The following ATP2B1 variants were observed in gnomAD, a reference collection of about 807,000 sequenced individuals.
ATP2B1 encodes ATPase plasma membrane Ca2+ transporting 1.
A neutral mutation model predicts 124.2 loss-of-function variants in ATP2B1; 14 were observed. The ratio of observed to expected loss-of-function variants is 0.11; its 90% CI spans 0.07 to 0.18. The LOEUF is 0.18. Ranked by LOEUF, ATP2B1 falls within the 10% of genes least tolerant of loss-of-function variation. The pLI is 1.00. For missense variants in ATP2B1, 763 were observed against 1,466.1 expected, an observed-to-expected ratio of 0.52 and a Z score of 7.83; for synonymous variants, 449 against 492.4, an observed-to-expected ratio of 0.91 and a Z score of 1.17.
chr12:89,707,193 GGAAGGCTGGCATCGGGGCAAGTGGT>G, intron 1 of ATP2B1, among the ~76,000 whole-genome samples: 1 of 152,108 alleles, frequency 6.6e-6, no homozygotes, highest in South Asian at 2.1e-4. Flanking sequence ...GGGAGTCTCG[GGAAGGCTGGCATCGGGGCAAGTGGT>G]GAAGGCCCTC....
At chr12:89,684,573 T>C (rs967917305) in intron 1 of ATP2B1, among the ~76,000 whole-genome samples, 3 of 152,148 alleles carry the variant, frequency 2.0e-5, no homozygotes, top group African/African-American at 4.8e-5. Context: ...ATTAGGGAAA[T>C]AGTGGTCATT....
At chr12:89,645,410 T>G (rs1884288961) in intron 2 of ATP2B1, among the ~76,000 whole-genome samples, 1 of 152,026 alleles carries the variant, frequency 6.6e-6, no homozygotes, top group Admixed American at 6.6e-5. Flanking sequence ...TGCTGAGGAG[T>G]CAGTGTGAAC....
chr12:89,692,301 G>C (rs1890641069), intron 1 of ATP2B1, among the ~76,000 whole-genome samples: 1 of 152,148 alleles, frequency 6.6e-6, no homozygotes, highest in African/African-American at 2.4e-5. Context: ...ACTATGCCTA[G>C]ACGACAGCAG....
intron 1 of ATP2B1, among the ~76,000 whole-genome samples, chr12:89,703,479 T>C (rs1204224978): frequency 6.6e-6 from 1 of 152,234 alleles, no homozygotes; most frequent in African/African-American, 2.4e-5. Flanking sequence ...ATCTATCCAC[T>C]AACTTATGTC....
chr12:89,658,598 G>GGAGAGAGAGAGA (rs67298800), intron 1 of ATP2B1, among the ~76,000 whole-genome samples: 1,430 of 69,520 alleles, frequency 0.021, 121 homozygotes, highest in East Asian at 0.036. Context: ...AATTCAAACA[G>GGAGAGAGAGAGA]GAGAGAGAGA....
At chr12:89,694,034 CAAG>C (rs1890838975) in intron 1 of ATP2B1, among the ~76,000 whole-genome samples, 4 of 152,174 alleles carry the variant, frequency 2.6e-5, no homozygotes, top group Non-Finnish European at 4.4e-5. Context: ...CATTCCAGGA[CAAG>C]AAGACTGGTT....
chr12:89,690,327 C>CT (rs201384010), intron 1 of ATP2B1, among the ~76,000 whole-genome samples: 22,858 of 143,956 alleles, frequency 0.16, 2,040 homozygotes, highest in South Asian at 0.35. Flanking sequence ...GATGGCAAAT[C>CT]TTTTTTTTTT....
Position 89,601,382 on chromosome 12 carries a change from T to G in ATP2B1, c.3112A>C (p.Ile1038Leu), listed in dbSNP as rs766670116. 1.3e-6 allele frequency: 2 copies of G among 1,576,952 alleles called. No individual in the cohort carries two copies. The highest frequency in any genetic ancestry group is 1.7e-4 in the Middle Eastern group (1 of 5,988). Residue 1038 changes from isoleucine to leucine, a missense_variant, in exon 19 of 21, where the codon ATA becomes CTA. Ile to Leu is a conservative substitution (Grantham distance 5). Coordinates refer to ENST00000428670, the MANE Select transcript of ATP2B1 (RefSeq NM_001366521.1). ...GKPFSCSELSIEQWLWSIFLG... is the reference protein window; with the variant it reads ...GKPFSCSELSLEQWLWSIFLG... ...AATATTGACCATAGCCACTGTTCTA[T>G]TGAAAGTTCTGAACAACTGAAAGGT...
At chr12:89,607,150 T>C (rs914239522) in intron 15 of ATP2B1, among the ~76,000 whole-genome samples, 5 of 152,120 alleles carry the variant, frequency 3.3e-5, no homozygotes, top group African/African-American at 7.2e-5. Context: ...ACTTACATCA[T>C]CAGAAGTAGG....
In ATP2B1 at chr12:89,635,312, T is replaced by C. The variant is rs1448229248; in HGVS notation, c.407-61A>G. On this transcript the variant is annotated intron_variant, in intron 3 of 20. Coordinates refer to ENST00000428670, the MANE Select transcript of ATP2B1 (RefSeq NM_001366521.1). ...TTCTGAATTGATGACAACATACATA[T>C]AGTACGTCTAAATCATATTTTTGTG... The C allele has an allele frequency of 2.4e-5, 36 of 1,518,872 alleles. 1 individual carries two copies. Among genetic ancestry groups the C allele is most frequent in the South Asian group, 7.3e-5 (6 of 81,890 alleles). 94.1% of individuals were successfully genotyped at this position (1,518,872 alleles called of 1,614,324 possible).
intron 11 of ATP2B1, among the ~76,000 whole-genome samples, chr12:89,619,527 C>T (rs2136071573): frequency 6.6e-6 from 1 of 151,476 alleles, no homozygotes; most frequent in African/African-American, 2.4e-5. Flanking sequence ...CAGGAGAATC[C>T]CTTGAACCCA....
At position 89,603,395 on chromosome 12, in the gene ATP2B1, T is replaced by C. The variant is rs1876248173; in HGVS notation, c.2849-141A>G. On this transcript the variant is annotated intron_variant, in intron 17 of 20. Transcript: ENST00000428670. This position sits in a 1 kb window ranked among gnomAD's most constrained non-coding sequence, Gnocchi z 4.3. ...GGAGCTAGAGAAACCTGGGATTATCTAGTACAACTCTCTTGTTTTATAGGC... is the reference window on the plus strand; with the variant it reads ...GGAGCTAGAGAAACCTGGGATTATCCAGTACAACTCTCTTGTTTTATAGGC... 1 of 723,216 alleles carries C rather than the reference T, an allele frequency of 1.4e-6. No homozygotes were observed. The highest frequency in any genetic ancestry group is 3.0e-5 in the Admixed American group (1 of 33,800). The allele number at this position is 723,216 out of a possible 1,614,324, so 44.8% of individuals were successfully genotyped here. A position where few individuals can be genotyped will look rare whatever the true frequency, so the allele number is the denominator to read the frequency against.
intron 11 of ATP2B1, among the ~76,000 whole-genome samples, chr12:89,617,733 T>C (rs1188833703): frequency 6.6e-6 from 1 of 152,160 alleles, no homozygotes; most frequent in Non-Finnish European, 1.5e-5. Context: ...CATCTTCTGT[T>C]TTGTTTTTCA....
At chr12:89,684,955 CA>C (rs1226232256) in intron 1 of ATP2B1, among the ~76,000 whole-genome samples, 1 of 152,084 alleles carries the variant, frequency 6.6e-6, no homozygotes. Flanking sequence ...GAGCACAATC[CA>C]ATTTTAGTAA....
intron 2 of ATP2B1, among the ~76,000 whole-genome samples, chr12:89,643,784 T>C (rs906760309): frequency 1.1e-4 from 17 of 152,224 alleles, no homozygotes; most frequent in Non-Finnish European, 2.5e-4. Context: ...ATATTTTTCC[T>C]TGTCTGTTTA....
At chr12:89,648,118 AG>A (rs1396907059) in intron 2 of ATP2B1, among the ~76,000 whole-genome samples, 1 of 152,192 alleles carries the variant, frequency 6.6e-6, no homozygotes, top group Non-Finnish European at 1.5e-5. Flanking sequence ...ATTGGTACTG[AG>A]GTGTGGGGCA....
chr12:89,599,730 A>T (rs11105337), intron 19 of ATP2B1, among the ~76,000 whole-genome samples: 20,581 of 149,034 alleles, frequency 0.14, 1,924 homozygotes, highest in South Asian at 0.36. Flanking sequence ...TAAAATTTTT[A>T]AAAAAATCAT....
intron 1 of ATP2B1, among the ~76,000 whole-genome samples, chr12:89,695,067 A>AAAAAAAAAG (rs776192730): frequency 2.1e-3 from 309 of 146,144 alleles, no homozygotes; most frequent in South Asian, 6.0e-3. Context: ...TCAAAAAAAA[A>AAAAAAAAAG]AAAAGAAAAG....
chr12:89,606,572 C>CCTTTTTTTTTTTTTT (rs11424957), intron 15 of ATP2B1, among the ~76,000 whole-genome samples: 1 of 129,102 alleles, frequency 7.7e-6, no homozygotes, highest in African/African-American at 2.9e-5. Flanking sequence ...TAATGTCCCA[C>CCTTTTTTTTTTTTTT]TTTTTTTTTT....
Sources: gnomAD v4.1 joint callset for allele counts (sites outside exome capture counted in the v4.1 genomes callset) on GRCh38, gnomAD v4.1.1 for gene constraint, Gnocchi (gnomAD v3.1) non-coding constraint, MANE v1.5 for transcripts, NCBI Gene and HGNC (gene_info 2026-07-23, HGNC 2026-07-21) for gene names.